Variants in PLCXD3 observed in about 807,000 individuals in gnomAD.
PLCXD3 encodes phosphatidylinositol specific phospholipase C X domain containing 3.
PLCXD3 carries 19 observed loss-of-function variants against 25.5 expected under a neutral mutation model. The observed-to-expected ratio is 0.75, with a 90% CI of 0.52 to 1.09. The LOEUF is 1.09. Ranked by LOEUF, PLCXD3 falls within the 50% of genes least tolerant of loss-of-function variation. PLCXD3 has a pLI of 0.00. For missense variants in PLCXD3, 411 were observed against 388.1 expected (o/e 1.06, Z -0.50); for synonymous variants, 174 against 137.6 (o/e 1.26, Z -1.85).
In PLCXD3 at chr5:41,504,183, T is replaced by C. The variant is rs1749010902; in HGVS notation, c.103+6241A>G. 2.0e-5 allele frequency among the ~76,000 whole-genome samples: 3 copies of C among 152,178 alleles called. No individual in the cohort carries two copies. In the South Asian group the frequency reaches 6.2e-4, roughly 32 times the overall value. ...ATAGACCCTAGCTGTGTTTCCACTC[T>C]AGATTTGTCTAAAGGAATGATTACA... is the stretch of plus-strand genomic sequence containing the variant. On this transcript the variant is annotated intron_variant, in intron 1 of 2. Transcript: ENST00000377801.
At chr5:41,359,189 T>C (rs1744704745) in intron 2 of PLCXD3, among the ~76,000 whole-genome samples, 1 of 152,222 alleles carries the variant, frequency 6.6e-6, no homozygotes. Flanking sequence ...TTTTTTGTTA[T>C]GTCCTTCCCT....
At chr5:41,351,132 T>C (rs1202389443) in intron 2 of PLCXD3, among the ~76,000 whole-genome samples, 1 of 151,912 alleles carries the variant, frequency 6.6e-6, no homozygotes, top group Non-Finnish European at 1.5e-5. Flanking sequence ...AGCAGATACC[T>C]TTTTTTTGAG....
At chr5:41,415,120 C>G (rs546412300) in intron 1 of PLCXD3, among the ~76,000 whole-genome samples, 20 of 152,078 alleles carry the variant, frequency 1.3e-4, no homozygotes, top group Non-Finnish European at 2.6e-4. Flanking sequence ...GGAATGTATC[C>G]CCTATGGAAA....
At chr5:41,395,097 T>G (rs1561258871) in intron 1 of PLCXD3, among the ~76,000 whole-genome samples, 2 of 152,142 alleles carry the variant, frequency 1.3e-5, no homozygotes, top group Non-Finnish European at 2.9e-5. Flanking sequence ...CTTAAAATGT[T>G]CAAAACAATT....
intron 1 of PLCXD3, among the ~76,000 whole-genome samples, chr5:41,446,162 G>GCCA (rs1354153813): frequency 1.2e-5 from 1 of 81,818 alleles, no homozygotes; most frequent in Non-Finnish European, 2.5e-5. Flanking sequence ...GGGCGACGGA[G>GCCA]CCAGACTCCT....
chr5:41,461,563 TTGTTAACC>T (rs1270428289), intron 1 of PLCXD3, among the ~76,000 whole-genome samples: 1 of 152,002 alleles, frequency 6.6e-6, no homozygotes, highest in Non-Finnish European at 1.5e-5. Context: ...ACTGCCTCAC[TTGTTAACC>T]TGCACTGATA....
At chr5:41,372,878 T>C (rs1246736457) in intron 2 of PLCXD3, among the ~76,000 whole-genome samples, 1 of 151,794 alleles carries the variant, frequency 6.6e-6, no homozygotes, top group Non-Finnish European at 1.5e-5. Flanking sequence ...ACTCCTTCTC[T>C]ACAAAAAATA....
chr5:41,496,400 A>T (rs1169289817), intron 1 of PLCXD3, among the ~76,000 whole-genome samples: 1 of 152,012 alleles, frequency 6.6e-6, no homozygotes, highest in Admixed American at 6.5e-5. Context: ...GTCAATACCA[A>T]GACAAATTAT....
At chr5:41,432,498 A>G (rs186093012) in intron 1 of PLCXD3, among the ~76,000 whole-genome samples, 6 of 152,304 alleles carry the variant, frequency 3.9e-5, no homozygotes, top group African/African-American at 1.4e-4. Context: ...CTTATTTGAT[A>G]GGGTCTTAAA....
intron 1 of PLCXD3, among the ~76,000 whole-genome samples, chr5:41,454,540 C>T (rs1451874581): frequency 3.9e-5 from 6 of 151,966 alleles, no homozygotes. Context: ...AAGGCCCCAC[C>T]TTCTAATACT....
intron 1 of PLCXD3, among the ~76,000 whole-genome samples, chr5:41,463,775 C>A (rs147922423): frequency 9.2e-5 from 14 of 151,908 alleles, no homozygotes; most frequent in South Asian, 4.2e-4. Flanking sequence ...TTTTAAGCTT[C>A]TTTGTGTCAT....
intron 1 of PLCXD3, among the ~76,000 whole-genome samples, chr5:41,493,466 G>A (rs918926334): frequency 1.8e-4 from 27 of 152,232 alleles, no homozygotes; most frequent in Non-Finnish European, 2.5e-4. Flanking sequence ...CTTCAAAGCT[G>A]TCAGACAGGG....
At chr5:41,414,958 T>C (rs1283443845) in intron 1 of PLCXD3, among the ~76,000 whole-genome samples, 1 of 152,250 alleles carries the variant, frequency 6.6e-6, no homozygotes, top group Non-Finnish European at 1.5e-5. Context: ...TGGTATATTG[T>C]TATAATTGTT....
At chr5:41,362,490 A>C (rs1744814019) in intron 2 of PLCXD3, among the ~76,000 whole-genome samples, 1 of 152,222 alleles carries the variant, frequency 6.6e-6, no homozygotes, top group African/African-American at 2.4e-5. Flanking sequence ...GACTGAAATA[A>C]GAACATAAAT....
At chr5:41,429,067 G>A (rs1025586819) in intron 1 of PLCXD3, among the ~76,000 whole-genome samples, 11 of 152,116 alleles carry the variant, frequency 7.2e-5, no homozygotes, top group Admixed American at 3.9e-4. Context: ...TGCCCAGGAT[G>A]TATCCAAGAA....
intron 1 of PLCXD3, among the ~76,000 whole-genome samples, chr5:41,388,999 A>G (rs1406742982): frequency 1.3e-5 from 2 of 151,758 alleles, no homozygotes; most frequent in African/African-American, 4.8e-5. Context: ...ACATATATAC[A>G]AGCACACTCA....
chr5:41,408,274 T>C (rs1313560337), intron 1 of PLCXD3, among the ~76,000 whole-genome samples: 1 of 152,216 alleles, frequency 6.6e-6, no homozygotes, highest in Non-Finnish European at 1.5e-5. Context: ...ACACTTTGAA[T>C]GTGAGGTATT....
At chr5:41,490,466 G>T (rs1306000685) in intron 1 of PLCXD3, among the ~76,000 whole-genome samples, 3 of 152,114 alleles carry the variant, frequency 2.0e-5, no homozygotes, top group East Asian at 1.9e-4. Context: ...AGTTAGGGAG[G>T]ATTCCCTCTT....
At chr5:41,348,108 T>C (rs1404236242) in intron 2 of PLCXD3, among the ~76,000 whole-genome samples, 1 of 152,238 alleles carries the variant, frequency 6.6e-6, no homozygotes, top group African/African-American at 2.4e-5. Flanking sequence ...TTCCTTATTG[T>C]AAAATGCTTC....
Sources: gnomAD v4.1 joint callset for allele counts (sites outside exome capture counted in the v4.1 genomes callset) on GRCh38, gnomAD v4.1.1 for gene constraint, MANE v1.5 for transcripts, NCBI Gene and HGNC (gene_info 2026-07-23, HGNC 2026-07-21) for gene names.